Variants in CIT observed in about 807,000 individuals in gnomAD.
The protein encoded by CIT is citron Rho-interacting kinase.
A neutral mutation model predicts 272.7 loss-of-function variants in CIT; 79 were observed. The observed-to-expected ratio is 0.29, with a 90% CI of 0.24 to 0.35. The LOEUF is 0.35. CIT is among the 10% of genes least tolerant of loss of function. The probability of loss-of-function intolerance (pLI) is 1.00; values close to 1 mark genes in which losing one functional copy is unlikely to be tolerated. For missense variants in CIT, 1,909 were observed against 2,618.3 expected (o/e 0.73, Z 5.91); for synonymous variants, 948 against 995.6 (o/e 0.95, Z 0.90).
At chr12:119,816,411 G>A (rs1967189529) in intron 9 of CIT, among the ~76,000 whole-genome samples, 1 of 152,136 alleles carries the variant, frequency 6.6e-6, no homozygotes, top group African/African-American at 2.4e-5. Context: ...TAGGAGTCCT[G>A]AGCCAAAAAG....
chr12:119,815,416 A>G (rs1273030640), intron 9 of CIT, among the ~76,000 whole-genome samples: 1 of 152,028 alleles, frequency 6.6e-6, no homozygotes, highest in Non-Finnish European at 1.5e-5. Flanking sequence ...AATAAAAATT[A>G]CTGAATTTGG....
In CIT at chr12:119,767,201, ACAGT is replaced by A. The variant is rs747575896; in HGVS notation, c.2209-23_2209-20del. On this transcript the variant is annotated intron_variant, in intron 18 of 47. Coordinates refer to ENST00000392521, the MANE Select transcript of CIT (RefSeq NM_001206999.2). ...CGAGCTCCTAGACACAAAAGAAAAG[ACAGT>A]CAGGTGTGCAGAGGGCAGGACACCG... 6.3e-7 allele frequency: 1 copy of A among 1,593,210 alleles called. No individual in the cohort carries two copies. Among genetic ancestry groups the A allele is most frequent in the African/African-American group, 1.3e-5 (1 of 74,490 alleles).
chr12:119,756,113 T>C (rs1479347804), intron 22 of CIT, among the ~76,000 whole-genome samples: 2 of 152,136 alleles, frequency 1.3e-5, no homozygotes, highest in Non-Finnish European at 2.9e-5. Context: ...AGCAGAGAGA[T>C]GAGGCAGCTT....
At chr12:119,716,808 T>A (rs1159488291) in intron 32 of CIT, among the ~76,000 whole-genome samples, 1 of 152,102 alleles carries the variant, frequency 6.6e-6, no homozygotes, top group Non-Finnish European at 1.5e-5. Flanking sequence ...CTGCAAGGTG[T>A]TTACAGTAAC....
intron 23 of CIT, among the ~76,000 whole-genome samples, chr12:119,750,858 C>A (rs1960170227): frequency 6.6e-6 from 1 of 151,960 alleles, no homozygotes; most frequent in African/African-American, 2.4e-5. Flanking sequence ...ATGTACATGG[C>A]CATTCATTCC....
chr12:119,841,662 AATG>A (rs1566113587), intron 5 of CIT, among the ~76,000 whole-genome samples: 3 of 152,218 alleles, frequency 2.0e-5, no homozygotes, highest in Non-Finnish European at 1.5e-5. Context: ...TGTGAGAGGA[AATG>A]ATGTGTCCAA....
Position 119,804,689 on chromosome 12 carries a change from T to A in CIT, c.1112-1300A>T, listed in dbSNP as rs975016689. On this transcript the variant is annotated intron_variant, in intron 9 of 47. Coordinates refer to ENST00000392521, the MANE Select transcript of CIT (RefSeq NM_001206999.2). The surrounding 1 kb of genome is among the most constrained non-coding windows in gnomAD (Gnocchi z 5.3). Reference sequence around the variant, plus strand: ...TCTGGCTGTTTCCAAAGTTCCCCGATGACAACAACATCCAAGTGGCGCTGG... The same window carrying A: ...TCTGGCTGTTTCCAAAGTTCCCCGAAGACAACAACATCCAAGTGGCGCTGG... Among the ~76,000 whole-genome samples the A allele has an allele frequency of 6.6e-6, 1 of 152,190 alleles. No homozygotes were observed. Among genetic ancestry groups the A allele is most frequent in the Non-Finnish European group, 1.5e-5 (1 of 68,044 alleles).
In CIT at chr12:119,718,063, C is replaced by T. The variant is rs988489537; in HGVS notation, c.4168+182G>A. 6.6e-6 allele frequency among the ~76,000 whole-genome samples: 1 copy of T among 151,838 alleles called. No individual in the cohort carries two copies. The highest frequency in any genetic ancestry group is 2.4e-5 in the African/African-American group (1 of 41,330). On this transcript the variant is annotated intron_variant, in intron 32 of 47. Coordinates refer to ENST00000392521, the MANE Select transcript of CIT (RefSeq NM_001206999.2). The surrounding 1 kb of genome is among the most constrained non-coding windows in gnomAD (Gnocchi z 4.8). ...CCATGTTGGTCAGGCTGGTCTTGAG[C>T]TCCCAACTTCAGGTGATCCGCCCAC...
chr12:119,839,948 C>G (rs1372673455), intron 5 of CIT, among the ~76,000 whole-genome samples: 5 of 152,194 alleles, frequency 3.3e-5, no homozygotes, highest in African/African-American at 1.2e-4. Context: ...CTAACTATAG[C>G]TACAGCTATA....
intron 39 of CIT, among the ~76,000 whole-genome samples, chr12:119,709,242 T>C (rs967348377): frequency 3.3e-5 from 5 of 152,184 alleles, no homozygotes; most frequent in African/African-American, 7.2e-5. Context: ...ACCCATAGAA[T>C]GTATACCACC....
In CIT at chr12:119,782,648, C is replaced by A; in HGVS notation, c.1546-11G>T. On this transcript the variant is annotated splice_polypyrimidine_tract_variant and intron_variant, in intron 12 of 47. Coordinates refer to ENST00000392521, the MANE Select transcript of CIT (RefSeq NM_001206999.2). ...ACTTCGCTTTAAGCTCTGCAGAAAG[C>A]AAAAATTTTAATAGGGATGCCCTGT... The A allele has an allele frequency of 1.2e-6, 2 of 1,613,194 alleles. No homozygotes were observed. The highest frequency in any genetic ancestry group is 8.5e-7 in the Non-Finnish European group (1 of 1,179,756).
At chr12:119,823,791 A>G (rs1231047529) in intron 8 of CIT, among the ~76,000 whole-genome samples, 1 of 152,022 alleles carries the variant, frequency 6.6e-6, no homozygotes, top group Non-Finnish European at 1.5e-5. Context: ...TGTAATCCCA[A>G]TACTTTGGGA....
At chr12:119,708,698 C>G (rs1248548293) in intron 39 of CIT, among the ~76,000 whole-genome samples, 2 of 152,032 alleles carry the variant, frequency 1.3e-5, no homozygotes, top group Admixed American at 1.3e-4. Flanking sequence ...CCATGTTGGT[C>G]AGGCTGGTCT....
At position 119,710,753 on chromosome 12, in the gene CIT, C is replaced by G; in HGVS notation, c.4855-133G>C. On this transcript the variant is annotated intron_variant, in intron 37 of 47. Coordinates refer to ENST00000392521, the MANE Select transcript of CIT (RefSeq NM_001206999.2). This position sits in a 1 kb window ranked among gnomAD's most constrained non-coding sequence, Gnocchi z 5.6. ...GGAAATGCTCAGAAACGCACATATG[C>G]TCTTAGCTCAGCCCGTATTTTGATC... 1.2e-6 allele frequency: 1 copy of G among 850,414 alleles called. No homozygotes were observed. The highest frequency in any genetic ancestry group is 1.5e-5 in the South Asian group (1 of 65,142). The allele number at this position is 850,414 out of a possible 1,614,324, so 52.7% of individuals were successfully genotyped here. A position where few individuals can be genotyped will look rare whatever the true frequency, so the allele number is the denominator to read the frequency against.
At chr12:119,799,476 C>A (rs552661436) in intron 10 of CIT, among the ~76,000 whole-genome samples, 3 of 152,168 alleles carry the variant, frequency 2.0e-5, no homozygotes, top group African/African-American at 7.2e-5. Context: ...ATGGCAACAG[C>A]CACTCTTCCT....
intron 30 of CIT, among the ~76,000 whole-genome samples, chr12:119,720,186 C>G (rs1429221725): frequency 1.3e-5 from 2 of 152,224 alleles, no homozygotes; most frequent in South Asian, 2.1e-4. Context: ...ATACATCCCT[C>G]TGCCCCAACT....
intron 9 of CIT, among the ~76,000 whole-genome samples, chr12:119,807,432 T>C (rs953271567): frequency 1.3e-5 from 2 of 152,200 alleles, no homozygotes; most frequent in East Asian, 1.9e-4. Context: ...TTGTACCTTA[T>C]ATAAAATGTC....
chr12:119,767,260 A>G (rs1962557654), intron 18 of CIT, 78 bp from the exon 19 acceptor site: 2 of 1,146,522 alleles, frequency 1.7e-6, no homozygotes, highest in South Asian at 1.6e-5. Flanking sequence ...CACAGGAAAC[A>G]TGACTTTGGT....
chr12:119,872,032 C>T (rs1177510586), intron 2 of CIT, among the ~76,000 whole-genome samples: 1 of 152,144 alleles, frequency 6.6e-6, no homozygotes, highest in African/African-American at 2.4e-5. Context: ...TGGTTCTTAA[C>T]AAAGTTTTCA....
Sources: allele counts gnomAD v4.1 joint callset (sites outside exome capture counted in the v4.1 genomes callset), GRCh38; gene constraint gnomAD v4.1.1; non-coding constraint Gnocchi (gnomAD v3.1); transcripts MANE v1.5; gene names NCBI Gene and HGNC (gene_info 2026-07-23, HGNC 2026-07-21).